The following FRMPD4 variants were observed in gnomAD, a reference collection of about 807,000 sequenced individuals.
The protein encoded by FRMPD4 is FERM and PDZ domain containing 4, also known as FERM and PDZ domain-containing protein 4.
FRMPD4 carries 22 observed loss-of-function variants against 94.1 expected under a neutral mutation model. The ratio of observed to expected loss-of-function variants is 0.23; its 90% CI spans 0.17 to 0.33. The LOEUF is 0.33. Ranked by LOEUF, FRMPD4 falls within the 10% of genes least tolerant of loss-of-function variation. The pLI is 1.00. For synonymous variants in FRMPD4, 631 were observed against 548.6 expected, an observed-to-expected ratio of 1.15 and a Z score of -2.10; for missense variants, 1,111 against 1,339.9, an observed-to-expected ratio of 0.83 and a Z score of 2.67.
intron 3 of FRMPD4, among the ~76,000 whole-genome samples, chrX:12,073,936 A>T (rs1196000518): frequency 9.0e-6 from 1 of 111,587 alleles, no homozygotes; most frequent in African/African-American, 3.3e-5. Context: ...ATTCAGACTT[A>T]GTGGAGAATA....
intron 3 of FRMPD4, among the ~76,000 whole-genome samples, chrX:12,025,316 C>T (rs1023943197): frequency 5.5e-5 from 6 of 109,652 alleles, no homozygotes; most frequent in African/African-American, 2.0e-4. Context: ...AAGCTCCAGA[C>T]TCATGAATCA....
intron 2 of FRMPD4, among the ~76,000 whole-genome samples, chrX:12,565,525 G>A (rs190360418): frequency 8.9e-6 from 1 of 111,822 alleles, no homozygotes; most frequent in Admixed American, 9.5e-5. Context: ...TGAAGAAAAT[G>A]TCAGCCCAAC....
intron 1 of FRMPD4, among the ~76,000 whole-genome samples, chrX:12,225,882 A>ACAG (rs758673987): frequency 1.1e-3 from 125 of 112,080 alleles, no homozygotes; most frequent in African/African-American, 3.8e-3. Context: ...GAAGAATTAA[A>ACAG]CATGCTTGAG....
chrX:11,887,817 T>G (rs1013022224), intron 3 of FRMPD4, among the ~76,000 whole-genome samples: 3 of 112,095 alleles, frequency 2.7e-5, no homozygotes, highest in African/African-American at 9.7e-5. Flanking sequence ...ATGGGTGTTA[T>G]TCTGAGGGCT....
intron 3 of FRMPD4, among the ~76,000 whole-genome samples, chrX:12,014,848 A>G (rs1455247542): frequency 9.0e-6 from 1 of 111,444 alleles, no homozygotes; most frequent in African/African-American, 3.3e-5. Context: ...ACCGTAGCCC[A>G]TGACAGAGAA....
intron 1 of FRMPD4, chrX:12,149,157 T>A (rs1039926940): frequency 8.9e-6 from 1 of 112,183 alleles, no homozygotes; most frequent in Non-Finnish European, 1.9e-5. Context: ...TTATCTCAAT[T>A]GATTGTTCAC....
intron 1 of FRMPD4, among the ~76,000 whole-genome samples, chrX:12,262,897 A>G (rs774527221): frequency 2.7e-5 from 3 of 111,954 alleles, no homozygotes; most frequent in Non-Finnish European, 3.8e-5. Flanking sequence ...GGTATTCTAC[A>G]CTTGGAAGTC....
At chrX:12,613,595 C>T (rs1242982246) in intron 3 of FRMPD4, among the ~76,000 whole-genome samples, 1 of 112,486 alleles carries the variant, frequency 8.9e-6, no homozygotes, top group Non-Finnish European at 1.9e-5. Context: ...CCTGTAATCC[C>T]AGCATTTTGG....
intron 3 of FRMPD4, among the ~76,000 whole-genome samples, chrX:11,891,442 G>C (rs1405842577): frequency 8.9e-6 from 1 of 112,466 alleles, no homozygotes; most frequent in East Asian, 2.8e-4. Flanking sequence ...CCTCTTCCTA[G>C]ACCCAGAAGC....
intron 1 of FRMPD4, among the ~76,000 whole-genome samples, chrX:12,301,252 G>A (rs765385272): frequency 8.0e-5 from 9 of 111,811 alleles, no homozygotes; most frequent in Non-Finnish European, 1.1e-4. Context: ...CACTGTCCTG[G>A]TCCAACAAGC....
Position 12,418,821 on chromosome X carries a change from T to C in FRMPD4, c.42-79859T>C, listed in dbSNP as rs193170970. Among the ~76,000 whole-genome samples, 77 of 111,947 alleles carry C rather than the reference T, an allele frequency of 6.9e-4. No individual in the cohort carries two copies. In the East Asian group the frequency reaches 0.021, roughly 30 times the overall value. On this transcript the variant is annotated intron_variant, in intron 1 of 16. Transcript: ENST00000675598. The stretch of plus-strand genomic sequence containing the variant: ...AATTCCCTTGTTGCTAGCTTATAAA[T>C]AGCGGAAAACAGCCACCATTTCTTC...
At chrX:12,303,303 T>G (rs1221021864) in intron 1 of FRMPD4, among the ~76,000 whole-genome samples, 1 of 111,993 alleles carries the variant, frequency 8.9e-6, no homozygotes, top group Non-Finnish European at 1.9e-5. Context: ...AAGCCTTAAA[T>G]AAAGAAATAA....
intron 1 of FRMPD4, among the ~76,000 whole-genome samples, chrX:12,188,320 T>C (rs5978499): frequency 0.37 from 40,769 of 111,006 alleles, 6,488 homozygotes; most frequent in East Asian, 0.63. Context: ...TCTTGCACTG[T>C]AACTTTTTCA....
At chrX:12,490,492 G>A (rs752667692) in intron 1 of FRMPD4, among the ~76,000 whole-genome samples, 2 of 112,288 alleles carry the variant, frequency 1.8e-5, no homozygotes, top group East Asian at 5.6e-4. Context: ...CAAGCACCTA[G>A]AACAGCGTGT....
chrX:12,410,722 G>A (rs2056722630), intron 1 of FRMPD4, among the ~76,000 whole-genome samples: 1 of 111,134 alleles, frequency 9.0e-6, no homozygotes, highest in Non-Finnish European at 1.9e-5. Context: ...TTTTGCTGAC[G>A]CGGTTACTTC....
intron 1 of FRMPD4, among the ~76,000 whole-genome samples, chrX:12,414,123 C>A (rs1455074968): frequency 8.9e-6 from 1 of 112,548 alleles, no homozygotes; most frequent in Non-Finnish European, 1.9e-5. Context: ...AGCATTCTTT[C>A]AGAAGCACTT....
At chrX:12,145,892 T>C (rs1411263609) in intron 1 of FRMPD4, among the ~76,000 whole-genome samples, 2 of 112,065 alleles carry the variant, frequency 1.8e-5, no homozygotes, top group Non-Finnish European at 3.8e-5. Flanking sequence ...CCAGCCCCGC[T>C]CTGGGGGACT....
rs143560486 is a variant in FRMPD4 at position 12,458,290 on chromosome X, G to A, written c.42-40390G>A. On this transcript the variant is annotated intron_variant, in intron 1 of 16. Coordinates refer to ENST00000675598, the MANE Select transcript of FRMPD4 (RefSeq NM_001368397.1). Reference sequence around the variant, plus strand: ...CCAGAAGATTCTGCAGACTATTGCTGTAATAAATCTTAACCATGAGTACTA... The same window carrying A: ...CCAGAAGATTCTGCAGACTATTGCTATAATAAATCTTAACCATGAGTACTA... Among the ~76,000 whole-genome samples the A allele has an allele frequency of 6.1e-3, 679 of 111,921 alleles. 4 individuals carry two copies. The highest frequency in any genetic ancestry group is 9.6e-3 in the Admixed American group (101 of 10,564).
chrX:12,435,462 C>T (rs1470250142), intron 1 of FRMPD4, among the ~76,000 whole-genome samples: 2 of 111,623 alleles, frequency 1.8e-5, no homozygotes, highest in African/African-American at 6.5e-5. Flanking sequence ...CACTGGAATG[C>T]ATCTTAAACA....
Sources: gnomAD v4.1 joint callset for allele counts (sites outside exome capture counted in the v4.1 genomes callset) on GRCh38, gnomAD v4.1.1 for gene constraint, MANE v1.5 for transcripts, NCBI Gene and HGNC (gene_info 2026-07-23, HGNC 2026-07-21) for gene names.